MACROD2: variants seen among roughly 807,000 people sequenced by gnomAD.
MACROD2 encodes the protein mono-ADP ribosylhydrolase 2.
MACROD2 carries 36 observed loss-of-function variants against 70.4 expected under a neutral mutation model. The observed-to-expected ratio is 0.51, with a 90% confidence interval of 0.39 to 0.68. MACROD2 has a LOEUF of 0.68. MACROD2 is among the 30% of genes least tolerant of loss of function. MACROD2 has a pLI of 0.00. For synonymous variants in MACROD2, 172 were observed against 178.8 expected, an observed-to-expected ratio of 0.96 and a Z score of 0.30; for missense variants, 496 against 538.4, an observed-to-expected ratio of 0.92 and a Z score of 0.78.
chr20:15,191,874 C>T lies in MACROD2; in HGVS notation c.419-38066C>T, dbSNP rs951928690. 4.0e-5 allele frequency among the ~76,000 whole-genome samples: 6 copies of T among 149,000 alleles called. No homozygotes were observed. The Admixed American group carries it at 4.0e-4, about 10-fold the overall frequency. ...TTCATGAAGCATTTAAGTTATATAA[C>T]AACAACCAAATCATCAAAAATTTAG... On this transcript the variant is annotated intron_variant, in intron 5 of 17. Transcript: ENST00000684519.
At chr20:14,798,888 A>T (rs973070706) in intron 5 of MACROD2, among the ~76,000 whole-genome samples, 4 of 152,014 alleles carry the variant, frequency 2.6e-5, no homozygotes, top group African/African-American at 9.7e-5. Context: ...AAACTATCAT[A>T]TTCAGATTTT....
At chr20:15,120,196 A>G (rs944355130) in intron 5 of MACROD2, among the ~76,000 whole-genome samples, 1 of 152,190 alleles carries the variant, frequency 6.6e-6, no homozygotes, top group African/African-American at 2.4e-5. Flanking sequence ...AATCAGGTTG[A>G]AATGATGGTA....
At chr20:15,428,921 A>G (rs1243470942) in intron 6 of MACROD2, among the ~76,000 whole-genome samples, 3 of 151,992 alleles carry the variant, frequency 2.0e-5, no homozygotes, top group Non-Finnish European at 4.4e-5. Flanking sequence ...CTCTCCAGAC[A>G]TGAGATACAT....
chr20:15,082,196 C>T (rs1174439416), intron 5 of MACROD2, among the ~76,000 whole-genome samples: 1 of 152,114 alleles, frequency 6.6e-6, no homozygotes, highest in East Asian at 1.9e-4. Context: ...ATCAGACAAA[C>T]CAATTCAAGG....
chr20:15,144,327 T>C (rs2076214890), intron 5 of MACROD2, among the ~76,000 whole-genome samples: 1 of 152,130 alleles, frequency 6.6e-6, no homozygotes, highest in Admixed American at 6.5e-5. Context: ...TATAATTTGT[T>C]CATGTCAGGA....
intron 2 of MACROD2, among the ~76,000 whole-genome samples, chr20:14,062,693 G>GA (rs1045813793): frequency 2.0e-5 from 3 of 151,918 alleles, no homozygotes; most frequent in East Asian, 1.9e-4. Context: ...GTCACGGGGA[G>GA]AAAAAAAGAT....
chr20:14,789,460 A>ATTTTTTT (rs3045609), intron 5 of MACROD2, among the ~76,000 whole-genome samples: 3,819 of 47,986 alleles, frequency 0.08, 976 homozygotes, highest in Non-Finnish European at 0.1. Context: ...GGTAGTGCAA[A>ATTTTTTT]TTTTTTTTTT....
intron 6 of MACROD2, among the ~76,000 whole-genome samples, chr20:15,295,810 G>A (rs767240238): frequency 2.0e-5 from 3 of 152,138 alleles, no homozygotes; most frequent in Non-Finnish European, 4.4e-5. Context: ...TAAGCTACAA[G>A]CCTGCCTTTC....
intron 5 of MACROD2, among the ~76,000 whole-genome samples, chr20:15,158,609 A>T (rs2076325806): frequency 6.6e-6 from 1 of 152,080 alleles, no homozygotes; most frequent in South Asian, 2.1e-4. Context: ...ATTATCTTCA[A>T]TTTGTGTTTG....
chr20:14,713,005 G>A (rs1050058223), intron 5 of MACROD2, among the ~76,000 whole-genome samples: 1 of 152,050 alleles, frequency 6.6e-6, no homozygotes, highest in Non-Finnish European at 1.5e-5. Flanking sequence ...GACGGAGAAA[G>A]AAGAAAACAG....
chr20:15,631,007 TA>T (rs1475468681), intron 8 of MACROD2, among the ~76,000 whole-genome samples: 1 of 152,166 alleles, frequency 6.6e-6, no homozygotes, highest in Non-Finnish European at 1.5e-5. Context: ...AAATTCCACA[TA>T]AAGGGAATAT....
chr20:14,318,072 A>G (rs1398493420), intron 3 of MACROD2, among the ~76,000 whole-genome samples: 1 of 152,180 alleles, frequency 6.6e-6, no homozygotes, highest in African/African-American at 2.4e-5. Flanking sequence ...ATTGATCCCC[A>G]TATTAAGGAA....
intron 8 of MACROD2, among the ~76,000 whole-genome samples, chr20:15,850,302 A>C (rs1239078647): frequency 6.6e-6 from 1 of 151,756 alleles, no homozygotes; most frequent in African/African-American, 2.4e-5. Context: ...TTAAACATCA[A>C]CTCCCGTCAG....
chr20:15,388,472 T>C (rs2045750173), intron 6 of MACROD2, among the ~76,000 whole-genome samples: 1 of 152,200 alleles, frequency 6.6e-6, no homozygotes, highest in Admixed American at 6.5e-5. Context: ...ACATACAAGA[T>C]GCCCGGCCAA....
chr20:14,117,055 G>T (rs1220169071), intron 3 of MACROD2, among the ~76,000 whole-genome samples: 4 of 90,204 alleles, frequency 4.4e-5, no homozygotes, highest in African/African-American at 1.9e-4. Context: ...GACAGAACAA[G>T]ACTCCATCTC....
intron 3 of MACROD2, among the ~76,000 whole-genome samples, chr20:14,248,325 C>G (rs1054140876): frequency 4.6e-5 from 7 of 152,150 alleles, no homozygotes; most frequent in African/African-American, 1.7e-4. Context: ...GTGGCTCAGC[C>G]TGTAAGCTCA....
rs571889337 is a variant in MACROD2 at position 15,090,740 on chromosome 20, T to C, written c.419-139200T>C. Among the ~76,000 whole-genome samples, 35 of 152,106 alleles carry C rather than the reference T, an allele frequency of 2.3e-4. No individual in the cohort carries two copies. In the South Asian group the frequency reaches 7.1e-3, roughly 31 times the overall value. On this transcript the variant is annotated intron_variant, in intron 5 of 17. Transcript: ENST00000684519. ...CTAGGAAGAACATGAAAGAAGCCCA[T>C]GCAGGAGAATAAGCAGTGAGATAAA...
At chr20:14,898,862 A>G (rs1490505946) in intron 5 of MACROD2, among the ~76,000 whole-genome samples, 1 of 152,140 alleles carries the variant, frequency 6.6e-6, no homozygotes, top group Non-Finnish European at 1.5e-5. Context: ...CCTCCCAACA[A>G]ATAGGAAGTA....
chr20:14,565,322 C>CTT (rs1979720202), intron 4 of MACROD2, among the ~76,000 whole-genome samples: 1 of 150,976 alleles, frequency 6.6e-6, no homozygotes, highest in African/African-American at 2.4e-5. Flanking sequence ...CACAACTGAA[C>CTT]TTATACTCCT....
Sources: allele counts gnomAD v4.1 joint callset (sites outside exome capture counted in the v4.1 genomes callset), GRCh38; gene constraint gnomAD v4.1.1; transcripts MANE v1.5; gene names NCBI Gene and HGNC (gene_info 2026-07-23, HGNC 2026-07-21).